C8orf34: variants seen among roughly 807,000 people sequenced by gnomAD.
The protein encoded by C8orf34 is uncharacterized protein C8orf34.
A neutral mutation model predicts 68.3 loss-of-function variants in C8orf34; 65 were observed. The ratio of observed to expected loss-of-function variants is 0.95; its 90% confidence interval spans 0.78 to 1.17. C8orf34 has a LOEUF of 1.17. Among genes scored for constraint, C8orf34 ranks in the 50% most tolerant of loss-of-function variants. The probability of loss-of-function intolerance (pLI) is 0.00; values close to 1 mark genes in which losing one functional copy is unlikely to be tolerated. For synonymous variants in C8orf34, 244 were observed against 241.2 expected (o/e 1.01, Z -0.11); for missense variants, 664 against 655.4 (o/e 1.01, Z -0.14).
At chr8:68,725,142 C>G (rs1264630840) in intron 10 of C8orf34, among the ~76,000 whole-genome samples, 1 of 152,112 alleles carries the variant, frequency 6.6e-6, no homozygotes, top group South Asian at 2.1e-4. Context: ...GCTGGGATTA[C>G]AGGAATGAGC....
chr8:68,343,821 T>C (rs1399779138), intron 1 of C8orf34, among the ~76,000 whole-genome samples: 1 of 152,116 alleles, frequency 6.6e-6, no homozygotes, highest in African/African-American at 2.4e-5. Context: ...CTCGAACTCC[T>C]GACCTCATGA....
intron 8 of C8orf34, among the ~76,000 whole-genome samples, chr8:68,695,116 G>T: frequency 6.6e-6 from 1 of 150,814 alleles, no homozygotes; most frequent in Admixed American, 6.6e-5. Context: ...TAATGCTAAA[G>T]TAAGAATTAC....
At chr8:68,656,509 G>A (rs190198066) in intron 8 of C8orf34, among the ~76,000 whole-genome samples, 42 of 152,280 alleles carry the variant, frequency 2.8e-4, no homozygotes, top group African/African-American at 1.0e-3. Flanking sequence ...ATAGCACACT[G>A]TATCCATAAC....
At chr8:68,648,007 G>T (rs1819231422) in intron 8 of C8orf34, among the ~76,000 whole-genome samples, 1 of 152,180 alleles carries the variant, frequency 6.6e-6, no homozygotes, top group Non-Finnish European at 1.5e-5. Context: ...CTTAGATCAT[G>T]AGTAAAATAA....
chr8:68,697,100 C>G (rs1820857253), intron 8 of C8orf34, among the ~76,000 whole-genome samples: 1 of 151,802 alleles, frequency 6.6e-6, no homozygotes, highest in Admixed American at 6.6e-5. Flanking sequence ...AGATTTTTGT[C>G]CCACACTGCA....
At chr8:68,467,092 C>T (rs1171062549) in intron 3 of C8orf34, among the ~76,000 whole-genome samples, 1 of 151,934 alleles carries the variant, frequency 6.6e-6, no homozygotes, top group Admixed American at 6.6e-5. Context: ...CACAATCAAA[C>T]ATAAGGTTCT....
rs1224756627 is a variant in C8orf34 at position 68,774,944 on chromosome 8, TA to T, written c.1405-1432del. On this transcript the variant is annotated intron_variant, in intron 10 of 13. Transcript: ENST00000518698. ...CAACATGATGAAACCCTGTCTCCAC[TA>T]AAAAAAAAAAAAAAAAAAAAAATTA... is the stretch of plus-strand genomic sequence containing the variant. 5.7e-3 allele frequency among the ~76,000 whole-genome samples: 256 copies of T among 44,680 alleles called. 12 individuals carry two copies. Among genetic ancestry groups the T allele is most frequent in the Middle Eastern group, 0.038 (2 of 52 alleles). 29.3% of individuals were successfully genotyped at this position (44,680 alleles called of 152,430 possible). A position where few individuals can be genotyped will look rare whatever the true frequency, so the allele number is the denominator to read the frequency against.
intron 7 of C8orf34, among the ~76,000 whole-genome samples, chr8:68,537,457 T>G (rs1421119176): frequency 6.8e-6 from 1 of 147,870 alleles, no homozygotes; most frequent in Non-Finnish European, 1.5e-5. Context: ...GACTTTCTTT[T>G]TATTTTCTTT....
At chr8:68,425,183 A>C (rs1264532389) in intron 1 of C8orf34, among the ~76,000 whole-genome samples, 2 of 152,170 alleles carry the variant, frequency 1.3e-5, no homozygotes, top group African/African-American at 4.8e-5. Context: ...ATTATACTTA[A>C]TTGTGAAAAA....
chr8:68,482,409 A>C (rs1812898554), intron 4 of C8orf34, among the ~76,000 whole-genome samples: 1 of 152,198 alleles, frequency 6.6e-6, no homozygotes, highest in Admixed American at 6.5e-5. Context: ...AAAAGCAATT[A>C]GCAGTCTATA....
intron 1 of C8orf34, among the ~76,000 whole-genome samples, chr8:68,436,933 T>C (rs1422761662): frequency 6.6e-6 from 1 of 152,168 alleles, no homozygotes; most frequent in African/African-American, 2.4e-5. Context: ...GGGGTTTCTG[T>C]CAAGTTCAAG....
At chr8:68,492,854 A>ACTTCACT (rs1813373166) in intron 5 of C8orf34, among the ~76,000 whole-genome samples, 2 of 151,772 alleles carry the variant, frequency 1.3e-5, no homozygotes, top group Admixed American at 1.3e-4. Context: ...TCACTGCTTC[A>ACTTCACT]AGAAGTAGCC....
At chr8:68,511,598 C>T (rs1205547742) in intron 5 of C8orf34, among the ~76,000 whole-genome samples, 6 of 151,660 alleles carry the variant, frequency 4.0e-5, no homozygotes, top group Admixed American at 2.0e-4. Context: ...AGGCAAGGGG[C>T]GAAGAGAACC....
intron 5 of C8orf34, among the ~76,000 whole-genome samples, chr8:68,506,144 A>G (rs1586279897): frequency 6.6e-6 from 1 of 152,082 alleles, no homozygotes; most frequent in Non-Finnish European, 1.5e-5. Context: ...ACATGCACAC[A>G]CACACACTCA....
chr8:68,809,068 C>A (rs1186235237), intron 12 of C8orf34, among the ~76,000 whole-genome samples: 2 of 152,064 alleles, frequency 1.3e-5, no homozygotes, highest in Non-Finnish European at 2.9e-5. Context: ...GAAGACTCAG[C>A]TAAGGTCTTG....
chr8:68,769,640 G>C (rs1823282688), intron 10 of C8orf34, among the ~76,000 whole-genome samples: 1 of 152,062 alleles, frequency 6.6e-6, no homozygotes, highest in Non-Finnish European at 1.5e-5. Context: ...TTTTAAAAGT[G>C]ACTTAGCTCT....
At chr8:68,596,850 CAA>C (rs1159154833) in intron 7 of C8orf34, among the ~76,000 whole-genome samples, 1 of 152,110 alleles carries the variant, frequency 6.6e-6, no homozygotes, top group Non-Finnish European at 1.5e-5. Flanking sequence ...TAGTCCAGAA[CAA>C]AAGGCTGACA....
intron 12 of C8orf34, chr8:68,791,998 T>C (rs1033523012): frequency 6.6e-6 from 1 of 152,174 alleles, no homozygotes; most frequent in African/African-American, 2.4e-5. Flanking sequence ...AAACTATCTG[T>C]ATTGTCAGAA....
intron 7 of C8orf34, among the ~76,000 whole-genome samples, chr8:68,592,944 T>C (rs1385761597): frequency 1.3e-5 from 2 of 152,126 alleles, no homozygotes; most frequent in African/African-American, 4.8e-5. Context: ...TGTTGAGCAG[T>C]GGCTTTTGTG....
Sources: allele counts gnomAD v4.1 joint callset (sites outside exome capture counted in the v4.1 genomes callset), GRCh38; gene constraint gnomAD v4.1.1; transcripts MANE v1.5; gene names NCBI Gene and HGNC (gene_info 2026-07-23, HGNC 2026-07-21).